TXK: variants seen among roughly 807,000 people sequenced by gnomAD.
The protein encoded by TXK is tyrosine-protein kinase TXK.
In TXK, 60 loss-of-function variants were observed where a neutral mutation model predicts 81.0. The ratio of observed to expected loss-of-function variants is 0.74; its 90% confidence interval spans 0.60 to 0.92. The LOEUF (loss-of-function observed/expected upper bound fraction) is 0.92, where lower values mean the gene tolerates loss of function less well. Ranked by LOEUF, TXK falls within the 40% of genes least tolerant of loss-of-function variation. The pLI is 0.00. For synonymous variants in TXK, 203 were observed against 210.7 expected, an observed-to-expected ratio of 0.96 and a Z score of 0.32; for missense variants, 581 against 638.3, an observed-to-expected ratio of 0.91 and a Z score of 0.97.
chr4:48,129,061 C>A (rs1223816813), intron 1 of TXK, among the ~76,000 whole-genome samples: 2 of 152,092 alleles, frequency 1.3e-5, no homozygotes, highest in Middle Eastern at 3.4e-3. Context: ...AGACACCAAA[C>A]CAAGACCCCA....
intron 1 of TXK, among the ~76,000 whole-genome samples, chr4:48,125,800 G>A (rs930714147): frequency 6.6e-6 from 1 of 152,154 alleles, no homozygotes; most frequent in Middle Eastern, 3.2e-3. Flanking sequence ...AATCTAACAG[G>A]GCAGGCCGGC....
At chr4:48,112,730 T>C (rs902989689) in intron 3 of TXK, among the ~76,000 whole-genome samples, 18 of 152,184 alleles carry the variant, frequency 1.2e-4, no homozygotes, top group Non-Finnish European at 1.8e-4. Flanking sequence ...GATCACAAGT[T>C]CTCTTGACAG....
chr4:48,076,130 T>A (rs1717060083), intron 12 of TXK, among the ~76,000 whole-genome samples: 2 of 152,194 alleles, frequency 1.3e-5, no homozygotes, highest in African/African-American at 2.4e-5. Flanking sequence ...CGTTTCTCAG[T>A]GTATCAAGAA....
chr4:48,097,892 C>T (rs1384683456), intron 6 of TXK, among the ~76,000 whole-genome samples: 1 of 151,444 alleles, frequency 6.6e-6, no homozygotes, highest in African/African-American at 2.4e-5. Flanking sequence ...GGACTACAGG[C>T]GCCCGTCACC....
In TXK at chr4:48,122,389, C is replaced by T. The variant is rs569584841; in HGVS notation, c.17-7987G>A. ...TTTCCAGAGCACTCCTCCCTCCTTT[C>T]TTAACTCCCTCCAATCCCTCCAAGT... On this transcript the variant is annotated intron_variant, in intron 1 of 14. Transcript: ENST00000264316. Among the ~76,000 whole-genome samples, 3 of 152,320 alleles carry T rather than the reference C, an allele frequency of 2.0e-5. No individual in the cohort carries two copies. In the East Asian group the frequency reaches 5.8e-4, roughly 29 times the overall value.
At chr4:48,116,776 G>A (rs549340481) in intron 1 of TXK, among the ~76,000 whole-genome samples, 2 of 152,354 alleles carry the variant, frequency 1.3e-5, no homozygotes, top group East Asian at 3.9e-4. Context: ...ATGGTTGTAT[G>A]TAAATCACAC....
chr4:48,093,326 A>AAGT (rs1284757871), intron 8 of TXK, among the ~76,000 whole-genome samples: 1 of 152,254 alleles, frequency 6.6e-6, no homozygotes, highest in Non-Finnish European at 1.5e-5. Flanking sequence ...TCTAAAAAAG[A>AAGT]AGTGCATGCA....
At chr4:48,102,533 C>T (rs1447608479) in intron 6 of TXK, among the ~76,000 whole-genome samples, 1 of 152,176 alleles carries the variant, frequency 6.6e-6, no homozygotes, top group Non-Finnish European at 1.5e-5. Flanking sequence ...TCTCATTCAC[C>T]ACAAGAGCGT....
chr4:48,129,208 G>A (rs983003529), intron 1 of TXK, among the ~76,000 whole-genome samples: 1 of 152,118 alleles, frequency 6.6e-6, no homozygotes, highest in Admixed American at 6.5e-5. Flanking sequence ...GTCTGTGTTC[G>A]CACGTGTGTG....
At chr4:48,096,742 TG>T (rs934200587) in intron 6 of TXK, among the ~76,000 whole-genome samples, 4 of 152,146 alleles carry the variant, frequency 2.6e-5, no homozygotes, top group African/African-American at 9.7e-5. Context: ...TTGGCCATGC[TG>T]GTCTCGAAAT....
rs540542652 is a variant in TXK at position 48,088,581 on chromosome 4, C to T, written c.784+1169G>A. On this transcript the variant is annotated intron_variant, in intron 9 of 14. Transcript: ENST00000264316. ...GCCAGACACAAAAAACTGCAGCGTC[C>T]GATTCTGTTTATATAACGTAATCAA... 4.6e-5 allele frequency among the ~76,000 whole-genome samples: 7 copies of T among 152,174 alleles called. No homozygotes were observed. In the South Asian group the frequency reaches 1.2e-3, roughly 27 times the overall value.
At chr4:48,076,072 T>C (rs1477458458) in intron 12 of TXK, among the ~76,000 whole-genome samples, 1 of 152,258 alleles carries the variant, frequency 6.6e-6, no homozygotes, top group African/African-American at 2.4e-5. Flanking sequence ...CAAATTTATT[T>C]CTTTTTCTTC....
intron 8 of TXK, among the ~76,000 whole-genome samples, 174 bp downstream of exon 8, chr4:48,093,903 A>G (rs1717874095): frequency 6.6e-6 from 1 of 152,234 alleles, no homozygotes; most frequent in Non-Finnish European, 1.5e-5. Context: ...AACCAACCAG[A>G]AAAATGAAGA....
chr4:48,071,616 A>T lies in TXK; in HGVS notation c.1416T>A (p.Asn472Lys). 2 of 1,614,158 alleles carry T rather than the reference A, an allele frequency of 1.2e-6. No homozygotes were observed. Among genetic ancestry groups the T allele is most frequent in the Non-Finnish European group, 8.5e-7 (1 of 1,180,014 alleles). ...CAGAAATAGCTTCCACGACTTGCAAATTTGACTTATTTTCAAAAGGCATTT... is the reference window on the plus strand; with the variant it reads ...CAGAAATAGCTTCCACGACTTGCAATTTTGACTTATTTTCAAAAGGCATTT... ...EGKMPFENKS[N>K]LQVVEAISEG... The change falls in exon 14 of 15, where the codon AAT (asparagine) becomes AAA (lysine). Residue 472 changes from asparagine to lysine, a missense_variant. Transcript: ENST00000264316.
chr4:48,121,323 C>G (rs1242672438), intron 1 of TXK, among the ~76,000 whole-genome samples: 4 of 152,204 alleles, frequency 2.6e-5, no homozygotes, highest in Non-Finnish European at 5.9e-5. Context: ...CAGGCTCTAT[C>G]ACCCTTCTCC....
chr4:48,091,631 G>T (rs375645274), intron 8 of TXK, among the ~76,000 whole-genome samples: 2 of 151,820 alleles, frequency 1.3e-5, no homozygotes, highest in Admixed American at 6.6e-5. Context: ...TCAGCCTCTC[G>T]AGTAGGTGAG....
At chr4:48,098,888 G>A (rs894193648) in intron 6 of TXK, among the ~76,000 whole-genome samples, 1 of 152,004 alleles carries the variant, frequency 6.6e-6, no homozygotes, top group Non-Finnish European at 1.5e-5. Context: ...AGCTGAGATT[G>A]CGCCACTGCC....
In TXK at chr4:48,067,466, T is replaced by G; in HGVS notation, c.*171A>C. 3 of 658,810 alleles carry G rather than the reference T, an allele frequency of 4.6e-6. No individual in the cohort carries two copies. Among genetic ancestry groups the G allele is most frequent in the Non-Finnish European group, 7.8e-6 (3 of 382,350 alleles). 40.8% of individuals were successfully genotyped at this position (658,810 alleles called of 1,614,324 possible). A position where few individuals can be genotyped will look rare whatever the true frequency, so the allele number is the denominator to read the frequency against. The stretch of plus-strand genomic sequence containing the variant: ...TCTCACACATAGAAAAACGATTGTG[T>G]GAATATTCTTAAATTTTTAAAACTT... On this transcript the variant is annotated 3_prime_UTR_variant, in exon 15 of 15. Transcript: ENST00000264316.
chr4:48,130,586 C>G (rs549090129), intron 1 of TXK, among the ~76,000 whole-genome samples: 1 of 152,200 alleles, frequency 6.6e-6, no homozygotes, highest in East Asian at 1.9e-4. Flanking sequence ...TTACCATATT[C>G]TAATCACAAG....
Sources: gnomAD v4.1 joint callset for allele counts (sites outside exome capture counted in the v4.1 genomes callset) on GRCh38, gnomAD v4.1.1 for gene constraint, MANE v1.5 for transcripts, NCBI Gene and HGNC (gene_info 2026-07-23, HGNC 2026-07-21) for gene names.